NTN1: variants seen among roughly 807,000 people sequenced by gnomAD.
NTN1 encodes the protein netrin-1.
In NTN1, 11 loss-of-function variants were observed where a neutral mutation model predicts 54.2. The observed-to-expected ratio is 0.20, with a 90% CI of 0.13 to 0.34. The LOEUF is 0.34. Among genes scored for constraint, NTN1 ranks in the 10% least tolerant of loss-of-function variants. The pLI, the probability that NTN1 is intolerant of heterozygous loss-of-function variation, is 1.00. For synonymous variants in NTN1, 371 were observed against 382.0 expected, an observed-to-expected ratio of 0.97 and a Z score of 0.33; for missense variants, 740 against 893.1, an observed-to-expected ratio of 0.83 and a Z score of 2.18.
chr17:9,128,315 A>G (rs2092253806), intron 2 of NTN1, among the ~76,000 whole-genome samples: 1 of 150,936 alleles, frequency 6.6e-6, no homozygotes, highest in Non-Finnish European at 1.5e-5. Flanking sequence ...GTCTCAAAAA[A>G]AAAAAAAAAA....
intron 6 of NTN1, among the ~76,000 whole-genome samples, chr17:9,230,781 A>G (rs896202508): frequency 6.6e-6 from 1 of 152,084 alleles, no homozygotes; most frequent in Admixed American, 6.5e-5. Flanking sequence ...GGATCTGGGC[A>G]GCTTTCTGGC....
At chr17:9,169,985 C>G (rs912081164) in intron 3 of NTN1, among the ~76,000 whole-genome samples, 24 of 152,154 alleles carry the variant, frequency 1.6e-4, no homozygotes, top group Non-Finnish European at 1.6e-4. Context: ...TTGGCCAGAG[C>G]GTTAAGGGCA....
intron 2 of NTN1, among the ~76,000 whole-genome samples, chr17:9,110,523 T>C (rs1432834913): frequency 1.3e-5 from 2 of 152,154 alleles, no homozygotes; most frequent in East Asian, 3.9e-4. Flanking sequence ...ACCTGCCTTC[T>C]TGGCCTCCCA....
At chr17:9,235,883 C>T (rs1861239189) in intron 6 of NTN1, among the ~76,000 whole-genome samples, 1 of 151,974 alleles carries the variant, frequency 6.6e-6, no homozygotes, top group South Asian at 2.1e-4. Flanking sequence ...TCCCGAGTAG[C>T]TGGGACTACA....
chr17:9,181,624 C>G (rs1354255730), intron 4 of NTN1, among the ~76,000 whole-genome samples: 1 of 152,200 alleles, frequency 6.6e-6, no homozygotes, highest in African/African-American at 2.4e-5. Context: ...CCTAAAGGAG[C>G]AGAGGATGCC....
At position 9,129,776 on chromosome 17, in the gene NTN1, G is replaced by A. The variant is rs556867420; in HGVS notation, c.1019-33037G>A. Reference sequence around the variant, plus strand: ...GGCTGCCGTCTCCCCTTCTGCAGGTGTGAGCATGTGTGTGCAGCCATTGAC... The same window carrying A: ...GGCTGCCGTCTCCCCTTCTGCAGGTATGAGCATGTGTGTGCAGCCATTGAC... On this transcript the variant is annotated intron_variant, in intron 2 of 6. Coordinates refer to ENST00000173229, the MANE Select transcript of NTN1 (RefSeq NM_004822.3). Among the ~76,000 whole-genome samples, 3 of 152,302 alleles carry A rather than the reference G, an allele frequency of 2.0e-5. No individual in the cohort carries two copies. The South Asian group carries it at 6.2e-4, about 32-fold the overall frequency.
chr17:9,239,949 G>A lies in NTN1; in HGVS notation c.1796G>A (p.Gly599Asp). The change falls in exon 7 of 7, where the codon GGC (glycine) becomes GAC (aspartate). Residue 599 changes from glycine to aspartate, a missense_variant. Physicochemically the swap from Gly to Asp is moderately conservative, Grantham distance 94 (BLOSUM62 -1). Transcript: ENST00000173229. The surrounding 1 kb of genome is among the most constrained non-coding windows in gnomAD (Gnocchi z 5.2). ...AAGTTCCAGCAGCGTGAGAAGAAGGGCAAGTGCAAGAAGGCCTAGCGCCGA... is the reference window on the plus strand; with the variant it reads ...AAGTTCCAGCAGCGTGAGAAGAAGGACAAGTGCAAGAAGGCCTAGCGCCGA... ...LRKFQQREKK[G>D]KCKKA 1 of 1,242,976 alleles carries A rather than the reference G, an allele frequency of 8.0e-7. No individual in the cohort carries two copies. The highest frequency in any genetic ancestry group is 1.1e-6 in the Non-Finnish European group (1 of 934,918). 77.0% of individuals were successfully genotyped at this position (1,242,976 alleles called of 1,614,324 possible).
At chr17:9,064,498 G>A (rs1214365868) in intron 2 of NTN1, among the ~76,000 whole-genome samples, 1 of 152,162 alleles carries the variant, frequency 6.6e-6, no homozygotes, top group African/African-American at 2.4e-5. Flanking sequence ...ATACCTAGGA[G>A]GGTTGTTCCA....
chr17:9,136,987 T>C (rs1355227741), intron 2 of NTN1, among the ~76,000 whole-genome samples: 1 of 152,206 alleles, frequency 6.6e-6, no homozygotes, highest in Non-Finnish European at 1.5e-5. Context: ...AATACAGAAG[T>C]TGACTCCTCT....
intron 2 of NTN1, among the ~76,000 whole-genome samples, chr17:9,154,167 G>A (rs1296561229): frequency 6.6e-6 from 1 of 152,194 alleles, no homozygotes; most frequent in Non-Finnish European, 1.5e-5. Context: ...GGGGATAGTG[G>A]TGGACCTGGG....
the NTN1 span, among the ~76,000 whole-genome samples, chr17:9,007,095 A>G: frequency 6.6e-6 from 1 of 151,998 alleles, no homozygotes; most frequent in Non-Finnish European, 1.5e-5. Flanking sequence ...ACGAGACTCC[A>G]TTGTTTTCTT....
chr17:9,020,067 C>G (rs1301142600), upstream of NTN1, among the ~76,000 whole-genome samples: 1 of 152,236 alleles, frequency 6.6e-6, no homozygotes, highest in East Asian at 1.9e-4. Flanking sequence ...GGGTGGCCGT[C>G]TCTCTGGGAG....
At chr17:9,020,548 G>C (rs1423202878), upstream of NTN1, among the ~76,000 whole-genome samples, 6 of 152,242 alleles carry the variant, frequency 3.9e-5, no homozygotes, top group African/African-American at 1.4e-4. Flanking sequence ...TGTTTACTTG[G>C]GGGTTGATCT....
rs182000984 is a variant in NTN1, at chr17:9,079,293, G to A, written c.1018+55902G>A. 3.1e-4 allele frequency among the ~76,000 whole-genome samples: 47 copies of A among 152,316 alleles called. 2 individuals carry two copies. The East Asian group carries it at 8.5e-3, about 27-fold the overall frequency. ...CAGGGGGTGAGCTGCAGCAACTTGT[G>A]CATAATCTCTTGTGCATTCTGGAAG... On this transcript the variant is annotated intron_variant, in intron 2 of 6. Coordinates refer to ENST00000173229, the MANE Select transcript of NTN1 (RefSeq NM_004822.3).
intron 2 of NTN1, among the ~76,000 whole-genome samples, chr17:9,082,419 A>T (rs2092074394): frequency 6.6e-6 from 1 of 152,196 alleles, no homozygotes; most frequent in East Asian, 1.9e-4. Context: ...TCTCCTCTAC[A>T]CCTCATTTGA....
At chr17:9,146,122 T>C (rs2092312618) in intron 2 of NTN1, among the ~76,000 whole-genome samples, 1 of 152,152 alleles carries the variant, frequency 6.6e-6, no homozygotes, top group Admixed American at 6.5e-5. Flanking sequence ...GTTCTCTTCC[T>C]GCCGTACCTT....
intron 6 of NTN1, among the ~76,000 whole-genome samples, chr17:9,228,820 CTGTGTG>C (rs10641432): frequency 7.1e-5 from 10 of 141,406 alleles, no homozygotes; most frequent in Non-Finnish European, 9.2e-5. Context: ...ATCTGTTCAG[CTGTGTG>C]TGTGTGTGTG....
intron 2 of NTN1, among the ~76,000 whole-genome samples, chr17:9,025,493 G>T (rs2091867232): frequency 6.6e-6 from 1 of 152,084 alleles, no homozygotes; most frequent in African/African-American, 2.4e-5. Flanking sequence ...ATATTTTTCT[G>T]GGTTTTACTG....
At chr17:9,121,340 C>T (rs755249833) in intron 2 of NTN1, among the ~76,000 whole-genome samples, 11 of 152,080 alleles carry the variant, frequency 7.2e-5, no homozygotes, top group Non-Finnish European at 1.5e-4. Context: ...GCGGGGGTAG[C>T]TGATTTTTCC....
Sources: allele counts gnomAD v4.1 joint callset (sites outside exome capture counted in the v4.1 genomes callset), GRCh38; gene constraint gnomAD v4.1.1; non-coding constraint Gnocchi (gnomAD v3.1); transcripts MANE v1.5; gene names NCBI Gene and HGNC (gene_info 2026-07-23, HGNC 2026-07-21).